ACP3: variants seen among roughly 807,000 people sequenced by gnomAD.
ACP3 encodes the protein acid phosphatase 3, also known as prostatic acid phosphatase.
In ACP3, 38 loss-of-function variants were observed where a neutral mutation model predicts 45.6. That is an observed-to-expected ratio of 0.83 (90% CI 0.64 to 1.09). The LOEUF (loss-of-function observed/expected upper bound fraction) is 1.09. Among genes scored for constraint, ACP3 ranks in the 50% least tolerant of loss-of-function variants. ACP3 has a pLI of 0.00. For missense variants in ACP3, 466 were observed against 463.2 expected, an observed-to-expected ratio of 1.01 and a Z score of -0.05; for synonymous variants, 162 against 164.7, an observed-to-expected ratio of 0.98 and a Z score of 0.13.
At chr3:132,341,340 A>G (rs781028146) in intron 5 of ACP3, among the ~76,000 whole-genome samples, 1 of 152,156 alleles carries the variant, frequency 6.6e-6, no homozygotes, top group Non-Finnish European at 1.5e-5. Flanking sequence ...AATCAATATT[A>G]GTTGTTTAAT....
chr3:132,358,427 A>G lies in ACP3; in HGVS notation c.*1549A>G. ...TAAGCAAACTTACAGGTCCTGCTGA[A>G]ACTGCCCACTCTGCAAGAAGAAATC... On this transcript the variant is annotated 3_prime_UTR_variant, in exon 10 of 10. Coordinates refer to ENST00000336375, the MANE Select transcript of ACP3 (RefSeq NM_001099.5). 7.9e-7 allele frequency: 1 copy of G among 1,272,908 alleles called. No individual in the cohort carries two copies. Among genetic ancestry groups the G allele is most frequent in the Non-Finnish European group, 1.0e-6 (1 of 979,166 alleles). 78.9% of individuals were successfully genotyped at this position (1,272,908 alleles called of 1,614,324 possible).
intron 9 of ACP3, among the ~76,000 whole-genome samples, chr3:132,354,697 G>A (rs1210904220): frequency 3.9e-5 from 6 of 152,140 alleles, no homozygotes; most frequent in Admixed American, 6.5e-5. Flanking sequence ...TCTTAAATAC[G>A]TAAACTTTTC....
In ACP3 at chr3:132,342,662, C is replaced by A; in HGVS notation, c.648+18C>A. On this transcript the variant is annotated intron_variant, in intron 6 of 9. Coordinates refer to ENST00000336375, the MANE Select transcript of ACP3 (RefSeq NM_001099.5). ...ATTGTGAGGTAAAAGAAAAAAAAAT[C>A]ACAGGTTAACTTGCAATCTGATTTT... 1.4e-6 allele frequency: 2 copies of A among 1,417,250 alleles called. No individual in the cohort carries two copies. Among genetic ancestry groups the A allele is most frequent in the Non-Finnish European group, 1.9e-6 (2 of 1,025,778 alleles). 87.8% of individuals were successfully genotyped at this position (1,417,250 alleles called of 1,614,324 possible). A position where few individuals can be genotyped will look rare whatever the true frequency, so the allele number is the denominator to read the frequency against.
chr3:132,331,876 AT>A lies in ACP3; in HGVS notation c.303+148del, dbSNP rs775620359. Reference sequence around the variant, plus strand: ...TACAAATATATTCCTCTTTATGCAAATTTTTGTTCCAAAAAGTTTGTGAATA... The same window carrying A: ...TACAAATATATTCCTCTTTATGCAAATTTTGTTCCAAAAAGTTTGTGAATA... On this transcript the variant is annotated intron_variant, in intron 3 of 9. Transcript: ENST00000336375. The A allele has an allele frequency of 3.9e-5, 33 of 836,302 alleles. No individual in the cohort carries two copies. In the East Asian group the frequency reaches 6.6e-4, roughly 17 times the overall value. 51.8% of individuals were successfully genotyped at this position (836,302 alleles called of 1,614,324 possible).
chr3:132,348,214 C>T (rs1937638772), intron 7 of ACP3, among the ~76,000 whole-genome samples: 1 of 152,104 alleles, frequency 6.6e-6, no homozygotes, highest in Non-Finnish European at 1.5e-5. Flanking sequence ...GTCTTCAGGT[C>T]AATGATATTT....
chr3:132,339,186 GA>G (rs925533235), intron 5 of ACP3, among the ~76,000 whole-genome samples: 1 of 151,924 alleles, frequency 6.6e-6, no homozygotes, highest in African/African-American at 2.4e-5. Context: ...TAAGTTTTTA[GA>G]AGCTTTTTTC....
intron 10 of ACP3, chr3:132,367,630 C>G (rs1938151331): frequency 1.7e-6 from 2 of 1,191,714 alleles, no homozygotes; most frequent in Admixed American, 3.5e-5. Context: ...AGGCAGAAAG[C>G]AACACTCACA....
At chr3:132,366,242 A>G (rs1938129567) in intron 10 of ACP3, among the ~76,000 whole-genome samples, 1 of 148,730 alleles carries the variant, frequency 6.7e-6, no homozygotes, top group Non-Finnish European at 1.5e-5. Context: ...TCGAGGCTGC[A>G]TGAGCCAAGA....
At chr3:132,346,692 C>A (rs747047525) in intron 7 of ACP3, among the ~76,000 whole-genome samples, 4 of 152,154 alleles carry the variant, frequency 2.6e-5, no homozygotes, top group African/African-American at 4.8e-5. Flanking sequence ...CATTTCTGGC[C>A]CACCAGGTGC....
intron 1 of ACP3, among the ~76,000 whole-genome samples, chr3:132,325,503 A>C (rs1937282060): frequency 6.6e-6 from 1 of 151,978 alleles, no homozygotes; most frequent in Non-Finnish European, 1.5e-5. Flanking sequence ...ATTTAGTTGC[A>C]TAACCTCAGT....
intron 7 of ACP3, among the ~76,000 whole-genome samples, chr3:132,347,358 G>A (rs1324149712): frequency 6.6e-6 from 1 of 152,250 alleles, no homozygotes; most frequent in Non-Finnish European, 1.5e-5. Flanking sequence ...ACACATTCCT[G>A]CACAGAAAAC....
At chr3:132,329,124 C>T (rs887667240) in intron 2 of ACP3, among the ~76,000 whole-genome samples, 7 of 152,150 alleles carry the variant, frequency 4.6e-5, no homozygotes, top group Non-Finnish European at 8.8e-5. Context: ...ATTCCCTTTG[C>T]TTGTAAGATT....
intron 1 of ACP3, among the ~76,000 whole-genome samples, chr3:132,322,456 A>G (rs1937224313): frequency 6.6e-6 from 1 of 152,210 alleles, no homozygotes; most frequent in Non-Finnish European, 1.5e-5. Context: ...GTCCTAAAAG[A>G]AGAAAATAAA....
chr3:132,344,952 C>T lies in ACP3; in HGVS notation c.674C>T (p.Ser225Phe). 6.2e-7 allele frequency: 1 copy of T among 1,613,850 alleles called. No homozygotes were observed. The highest frequency in any genetic ancestry group is 8.5e-7 in the Non-Finnish European group (1 of 1,179,902). ...AGTGTTCACAATTTCACTTTACCCTCCTGGGCCACTGAGGACACCATGACT... is the reference window on the plus strand; with the variant it reads ...AGTGTTCACAATTTCACTTTACCCTTCTGGGCCACTGAGGACACCATGACT... Reference protein sequence around the residue: ...CESVHNFTLPSWATEDTMTKL... With the variant: ...CESVHNFTLPFWATEDTMTKL... The change falls in exon 7 of 10, where the codon TCC becomes TTC. Residue 225 changes from serine to phenylalanine, a missense_variant. Ser to Phe is a radical substitution (Grantham distance 155). Coordinates refer to ENST00000336375, the MANE Select transcript of ACP3 (RefSeq NM_001099.5).
exon 11 of ACP3, chr3:132,368,030 T>C (rs1938159489): frequency 3.9e-6 from 2 of 508,562 alleles, no homozygotes; most frequent in African/African-American, 3.9e-5. Context: ...CATAATGGAG[T>C]GGTAGTGCAG....
At chr3:132,346,262 A>T (rs1937608003) in intron 7 of ACP3, among the ~76,000 whole-genome samples, 1 of 152,218 alleles carries the variant, frequency 6.6e-6, no homozygotes, top group Non-Finnish European at 1.5e-5. Context: ...CACACCAGGT[A>T]TAAAGAGTGA....
At chr3:132,350,366 C>G (rs17182426) in intron 8 of ACP3, among the ~76,000 whole-genome samples, 72,333 of 151,928 alleles carry the variant, frequency 0.48, 17,998 homozygotes, top group Middle Eastern at 0.65. Flanking sequence ...AGTAAGTGCT[C>G]CTCACTAGTG....
chr3:132,318,790 T>G (rs910798643), intron 1 of ACP3, among the ~76,000 whole-genome samples: 1 of 152,238 alleles, frequency 6.6e-6, no homozygotes, highest in Non-Finnish European at 1.5e-5. Flanking sequence ...TGCTAACATG[T>G]GCATGAGGCA....
At chr3:132,367,623 C>G (rs946962491) in intron 10 of ACP3, 1 of 1,118,126 alleles carries the variant, frequency 8.9e-7, no homozygotes, top group Admixed American at 1.8e-5. Flanking sequence ...GCAATTAAGG[C>G]AGAAAGCAAC....
Sources: gnomAD v4.1 joint callset for allele counts (sites outside exome capture counted in the v4.1 genomes callset) on GRCh38, gnomAD v4.1.1 for gene constraint, MANE v1.5 for transcripts, NCBI Gene and HGNC (gene_info 2026-07-23, HGNC 2026-07-21) for gene names.